The following RAD17 variants were observed in gnomAD, a reference collection of about 807,000 sequenced individuals.
The protein encoded by RAD17 is RAD17 checkpoint clamp loader component.
In RAD17, 31 loss-of-function variants were observed where a neutral mutation model predicts 81.5. The observed-to-expected ratio is 0.38, with a 90% confidence interval of 0.29 to 0.51. The LOEUF (loss-of-function observed/expected upper bound fraction) is 0.51, where lower values mean the gene tolerates loss of function less well. RAD17 is among the 20% of genes least tolerant of loss of function. The pLI, the probability that RAD17 is intolerant of heterozygous loss-of-function variation, is 0.88. For missense variants in RAD17, 681 were observed against 781.2 expected (o/e 0.87, Z 1.53); for synonymous variants, 261 against 266.2 (o/e 0.98, Z 0.19).
At chr5:69,409,823 A>T (rs553139919) in intron 17 of RAD17, among the ~76,000 whole-genome samples, 6 of 152,312 alleles carry the variant, frequency 3.9e-5, no homozygotes, top group African/African-American at 1.4e-4. Flanking sequence ...AACTATTAGC[A>T]TTAATTCCCC....
Position 69,414,555 on chromosome 5 carries a change from T to C in RAD17, c.*263T>C, listed in dbSNP as rs1194641526. On this transcript the variant is annotated 3_prime_UTR_variant, in exon 19 of 19. Transcript: ENST00000354868. ...AGCGGTCAGTGTGTATAAAGTGTGT[T>C]TGAACATTATGCCAAATATCAAGAT... 5 of 494,006 alleles carry C rather than the reference T, an allele frequency of 1.0e-5. No homozygotes were observed. The Admixed American group carries it at 1.9e-4, about 19-fold the overall frequency. 30.6% of individuals were successfully genotyped at this position (494,006 alleles called of 1,614,324 possible). A position where few individuals can be genotyped will look rare whatever the true frequency, so the allele number is the denominator to read the frequency against.
In RAD17 at chr5:69,371,436, T is replaced by TCC. The variant is rs59258478; in HGVS notation, c.-279-4_-279-3dup. 14 of 289,744 alleles carry TCC rather than the reference T, an allele frequency of 4.8e-5. No individual in the cohort carries two copies. Among genetic ancestry groups the TCC allele is most frequent in the Non-Finnish European group, 7.0e-5 (11 of 157,060 alleles). The allele number at this position is 289,744 out of a possible 1,614,324, so 17.9% of individuals were successfully genotyped here. A position where few individuals can be genotyped will look rare whatever the true frequency, so the allele number is the denominator to read the frequency against. On this transcript the variant is annotated splice_polypyrimidine_tract_variant and intron_variant, in intron 2 of 18. Transcript: ENST00000354868. The stretch of plus-strand genomic sequence containing the variant: ...AGTTTTTCTTCATTTGAGGGCTTCT[T>TCC]CCCCCCCCCCCCCCCAGGTGAATTA...
At chr5:69,374,421 A>G (rs914780786) in intron 5 of RAD17, among the ~76,000 whole-genome samples, 3 of 152,198 alleles carry the variant, frequency 2.0e-5, no homozygotes, top group African/African-American at 7.2e-5. Context: ...ACTTGCCAAA[A>G]TTATCATACA....
intron 6 of RAD17, 75 bp from the exon 7 acceptor site, chr5:69,381,826 G>T (rs1304298547): frequency 3.2e-5 from 35 of 1,078,016 alleles, no homozygotes; most frequent in Non-Finnish European, 4.5e-5. Flanking sequence ...AATATATTTA[G>T]AATGAAAAGT....
intron 16 of RAD17, among the ~76,000 whole-genome samples, chr5:69,398,466 A>G (rs750903564): frequency 6.6e-6 from 1 of 152,216 alleles, no homozygotes; most frequent in Non-Finnish European, 1.5e-5. Flanking sequence ...AACAGTTTTC[A>G]AAATGAATTG....
At chr5:69,407,364 T>G (rs968286279) in intron 17 of RAD17, among the ~76,000 whole-genome samples, 1 of 151,978 alleles carries the variant, frequency 6.6e-6, no homozygotes, top group Non-Finnish European at 1.5e-5. Context: ...GATGTTTTGG[T>G]TTTTCTTATC....
In RAD17 at chr5:69,414,303, G is replaced by A. The variant is rs1177608818; in HGVS notation, c.*11G>A. On this transcript the variant is annotated 3_prime_UTR_variant, in exon 19 of 19. Coordinates refer to ENST00000354868, the MANE Select transcript of RAD17 (RefSeq NM_133338.3). ...AGTGATGGGACATAGAAGCCAGCCT[G>A]CTAATCAGATTGCTACTTCACAGCT... is the stretch of plus-strand genomic sequence containing the variant. 1 of 1,611,690 alleles carries A rather than the reference G, an allele frequency of 6.2e-7. No individual in the cohort carries two copies. Among genetic ancestry groups the A allele is most frequent in the African/African-American group, 1.3e-5 (1 of 74,972 alleles).
At chr5:69,405,230 G>GC (rs1015672052) in intron 17 of RAD17, among the ~76,000 whole-genome samples, 1 of 152,006 alleles carries the variant, frequency 6.6e-6, no homozygotes, top group African/African-American at 2.4e-5. Context: ...TAGGCCGGGC[G>GC]CAGTGGCTCA....
rs565818869 is a variant in RAD17 at position 69,376,902 on chromosome 5, C to T, written c.351+2191C>T. ...CCGAGTAGCTGGAATTACAGGCATG[C>T]GCCACCACACGCAGCTAATTTTTGT... On this transcript the variant is annotated intron_variant, in intron 6 of 18. Transcript: ENST00000354868. Among the ~76,000 whole-genome samples, 14 of 152,176 alleles carry T rather than the reference C, an allele frequency of 9.2e-5. 1 individual carries two copies. Among genetic ancestry groups the T allele is most frequent in the Admixed American group, 3.9e-4 (6 of 15,280 alleles).
intron 17 of RAD17, among the ~76,000 whole-genome samples, chr5:69,400,636 T>TC (rs1263192576): frequency 6.6e-6 from 1 of 151,562 alleles, no homozygotes; most frequent in African/African-American, 2.4e-5. Context: ...GTTTTTTTTT[T>TC]AAAACGCATC....
At chr5:69,384,757 C>T (rs746574760) in intron 7 of RAD17, 40 bp from the exon 8 acceptor site, 1 of 1,549,706 alleles carries the variant, frequency 6.5e-7, no homozygotes, top group Admixed American at 1.8e-5. Context: ...TAATGTATAT[C>T]ATTTGTTGAA....
intron 6 of RAD17, among the ~76,000 whole-genome samples, chr5:69,377,312 A>T (rs1763397855): frequency 6.7e-6 from 1 of 149,840 alleles, no homozygotes; most frequent in Non-Finnish European, 1.5e-5. Flanking sequence ...TTCAGTGTCC[A>T]TTGTGTTTTC....
intron 6 of RAD17, among the ~76,000 whole-genome samples, chr5:69,375,279 C>T (rs534816091): frequency 6.6e-6 from 1 of 152,234 alleles, no homozygotes; most frequent in East Asian, 1.9e-4. Context: ...AATTAGGGTG[C>T]TAGTGTATTT....
At chr5:69,385,989 A>G (rs1764189284) in intron 8 of RAD17, 54 bp from the exon 9 acceptor site, 3 of 1,407,154 alleles carry the variant, frequency 2.1e-6, no homozygotes, top group Non-Finnish European at 2.8e-6. Flanking sequence ...AATTTGAAAA[A>G]TAAATTTGCA....
At chr5:69,392,437 C>T (rs1764606727) in intron 13 of RAD17, among the ~76,000 whole-genome samples, 1 of 152,198 alleles carries the variant, frequency 6.6e-6, no homozygotes. Context: ...GTCTCCCCAA[C>T]CAGAGATGTT....
At chr5:69,395,352 G>C (rs1764817203) in intron 15 of RAD17, among the ~76,000 whole-genome samples, 1 of 152,030 alleles carries the variant, frequency 6.6e-6, no homozygotes, top group Non-Finnish European at 1.5e-5. Context: ...CTCTAGAAGA[G>C]ATTTTAAAAA....
intron 5 of RAD17, 36 bp downstream of exon 5, chr5:69,374,123 A>C (rs757661680): frequency 6.4e-7 from 1 of 1,557,208 alleles, no homozygotes; most frequent in African/African-American, 1.4e-5. Flanking sequence ...TACATAATTT[A>C]ATTTCAGGGT....
intron 8 of RAD17, 127 bp downstream of exon 8, chr5:69,385,060 C>T (rs1012358215): frequency 2.5e-5 from 19 of 767,388 alleles, no homozygotes; most frequent in African/African-American, 1.3e-4. Context: ...CCCAGGTTCA[C>T]GCCATTCTCC....
chr5:69,402,703 A>C (rs981311454), intron 17 of RAD17, among the ~76,000 whole-genome samples: 17 of 152,274 alleles, frequency 1.1e-4, no homozygotes, highest in African/African-American at 4.1e-4. Context: ...GAATAGTACA[A>C]AAAATTCTTG....
Sources: gnomAD v4.1 joint callset for allele counts (sites outside exome capture counted in the v4.1 genomes callset) on GRCh38, gnomAD v4.1.1 for gene constraint, MANE v1.5 for transcripts, NCBI Gene and HGNC (gene_info 2026-07-23, HGNC 2026-07-21) for gene names.